The following LY6K variants were observed in gnomAD, a reference collection of about 807,000 sequenced individuals.
The protein encoded by LY6K is lymphocyte antigen 6 family member K.
In LY6K, 9 loss-of-function variants were observed where a neutral mutation model predicts 10.4. That is an observed-to-expected ratio of 0.87 (90% CI 0.52 to 1.52). The LOEUF is 1.52. Among genes scored for constraint, LY6K ranks in the 40% most tolerant of loss-of-function variants. LY6K has a pLI of 0.00. For synonymous variants in LY6K, 98 were observed against 83.7 expected, an observed-to-expected ratio of 1.17 and a Z score of -0.94; for missense variants, 217 against 211.7, an observed-to-expected ratio of 1.02 and a Z score of -0.15.
chr8:142,702,054 C>T (rs1815059132), intron 2 of LY6K: 3 of 290,458 alleles, frequency 1.0e-5, no homozygotes, highest in Admixed American at 4.8e-5. Context: ...GTGACCCACC[C>T]GCCCTCGGCC....
At chr8:142,701,808 T>A in intron 2 of LY6K, 95 bp downstream of exon 2, 1 of 738,214 alleles carries the variant, frequency 1.4e-6, no homozygotes, top group Non-Finnish European at 2.3e-6. Context: ...GGGGAATAAC[T>A]AATAGAAAGT....
chr8:142,700,987 C>G (rs1277189918), intron 1 of LY6K, among the ~76,000 whole-genome samples: 1 of 151,874 alleles, frequency 6.6e-6, no homozygotes, highest in East Asian at 2.0e-4. Flanking sequence ...CCAACCCAGA[C>G]CCAAGGGAGA....
intron 1 of LY6K, 87 bp from the exon 2 acceptor site, chr8:142,701,513 G>A: frequency 1.1e-6 from 1 of 874,522 alleles, no homozygotes; most frequent in Non-Finnish European, 1.9e-6. Context: ...GACCCGCCGA[G>A]TTTGTGCTGG....
intron 2 of LY6K, chr8:142,702,721 A>G: frequency 6.7e-7 from 1 of 1,494,676 alleles, no homozygotes. Flanking sequence ...AGGCCCACCA[A>G]GAGGCCAGCT....
intron 2 of LY6K, chr8:142,702,407 A>T: frequency 7.6e-7 from 1 of 1,308,916 alleles, no homozygotes; most frequent in Non-Finnish European, 1.1e-6. Context: ...TGTGGAGACC[A>T]CTGCTCTGTC....
In LY6K at chr8:142,704,237, G is replaced by A. The variant is rs1036532546; in HGVS notation, c.*866G>A. On this transcript the variant is annotated 3_prime_UTR_variant, in exon 3 of 3. Transcript: ENST00000292430. ...GCATGAGCTCCATCAAGGTCGAGAC[G>A]CTTCTGCAAGTAATGGTACCAGCCA... 2.6e-5 allele frequency: 4 copies of A among 152,196 alleles called. No homozygotes were observed. Among genetic ancestry groups the A allele is most frequent in the Admixed American group, 6.5e-5 (1 of 15,282 alleles). 9.4% of individuals were successfully genotyped at this position (152,196 alleles called of 1,614,324 possible).
chr8:142,700,749 C>A, intron 1 of LY6K, 119 bp downstream of exon 1: 1 of 1,101,064 alleles, frequency 9.1e-7, no homozygotes, highest in Non-Finnish European at 1.2e-6. Flanking sequence ...TCAGGCGGCC[C>A]GTGGCGCCTG....
In LY6K at chr8:142,701,651, T is replaced by G. The variant is rs782147030; in HGVS notation, c.155T>G (p.Phe52Cys). 1 of 1,614,082 alleles carries G rather than the reference T, an allele frequency of 6.2e-7. No homozygotes were observed. Among genetic ancestry groups the G allele is most frequent in the Admixed American group, 1.7e-5 (1 of 60,020 alleles). ...WCHVCERENT[F>C]ECQNPRRCKW... ...CATGTTTGTGAGAGAGAAAACACTT[T>G]CGAGTGCCAGAACCCAAGGAGGTGC... The change falls in exon 2 of 3, where the codon TTC becomes TGC. Residue 52 changes from phenylalanine to cysteine, a missense_variant. Phe to Cys is a radical substitution (Grantham distance 205). Coordinates refer to ENST00000292430, the MANE Select transcript of LY6K (RefSeq NM_017527.4).
chr8:142,701,485 CAG>C lies in LY6K; in HGVS notation c.104-114_104-113del, dbSNP rs1360206100. The C allele has an allele frequency of 5.6e-5, 39 of 699,474 alleles. No individual in the cohort carries two copies. The African/African-American group carries it at 6.1e-4, about 11-fold the overall frequency. 43.3% of individuals were successfully genotyped at this position (699,474 alleles called of 1,614,324 possible). ...GAGTCATGTGGCCCCAGCCACTGCT[CAG>C]GGGGAGAAGGATGGGGACCCGCCGA... On this transcript the variant is annotated intron_variant, in intron 1 of 2. Transcript: ENST00000292430.
Position 142,704,328 on chromosome 8 carries a change from G to A in LY6K, c.*957G>A, listed in dbSNP as rs1305299664. ...ACCATGCCACTTCAGTCTTTGTGAC[G>A]TTATTAACTGAAGAAAAGTGGGTGC... On this transcript the variant is annotated 3_prime_UTR_variant, in exon 3 of 3. Coordinates refer to ENST00000292430, the MANE Select transcript of LY6K (RefSeq NM_017527.4). 5.3e-5 allele frequency: 8 copies of A among 152,180 alleles called. No homozygotes were observed. The highest frequency in any genetic ancestry group is 2.0e-4 in the Admixed American group (3 of 15,282). 9.4% of individuals were successfully genotyped at this position (152,180 alleles called of 1,614,324 possible).
At position 142,700,234 on chromosome 8, in the gene LY6K, C is replaced by T. The variant is rs1204481791; in HGVS notation, c.-294C>T. On this transcript the variant is annotated 5_prime_UTR_variant, in exon 1 of 3. Coordinates refer to ENST00000292430, the MANE Select transcript of LY6K (RefSeq NM_017527.4). Reference sequence around the variant, plus strand: ...CTTGGGCTCAGGGGCTGCGTTTCCACACGCGCCTTTCCCAGGGCTCCCGCG... The same window carrying T: ...CTTGGGCTCAGGGGCTGCGTTTCCATACGCGCCTTTCCCAGGGCTCCCGCG... The T allele has an allele frequency of 1.0e-5, 9 of 891,006 alleles. No homozygotes were observed. The highest frequency in any genetic ancestry group is 1.8e-5 in the African/African-American group (1 of 55,932). The allele number at this position is 891,006 out of a possible 1,614,324, so 55.2% of individuals were successfully genotyped here.
Position 142,700,636 on chromosome 8 carries a change from C to A in LY6K, c.103+6C>A. ...AGAGGACTCCCAGCGAACGGGTGAG[C>A]CTGGCTCGCCCTCCACAGCCACGGG... On this transcript the variant is annotated splice_donor_region_variant and intron_variant, in intron 1 of 2. Coordinates refer to ENST00000292430, the MANE Select transcript of LY6K (RefSeq NM_017527.4). The A allele has an allele frequency of 6.6e-7, 1 of 1,517,624 alleles. No individual in the cohort carries two copies. Among genetic ancestry groups the A allele is most frequent in the African/African-American group, 1.4e-5 (1 of 69,528 alleles). 94.0% of individuals were successfully genotyped at this position (1,517,624 alleles called of 1,614,324 possible).
In LY6K at chr8:142,704,484, T is replaced by C. The variant is rs1554640656; in HGVS notation, c.*1113T>C. ...TGATGAGAGGAATGAGCAGGAGCAT[T>C]GTCATGGTGGAGAAGGGCTCTCTGG... On this transcript the variant is annotated 3_prime_UTR_variant, in exon 3 of 3. Transcript: ENST00000292430. 1 of 152,300 alleles carries C rather than the reference T, an allele frequency of 6.6e-6. No individual in the cohort carries two copies. Among genetic ancestry groups the C allele is most frequent in the African/African-American group, 2.4e-5 (1 of 41,446 alleles). 9.4% of individuals were successfully genotyped at this position (152,300 alleles called of 1,614,324 possible). A position where few individuals can be genotyped will look rare whatever the true frequency, so the allele number is the denominator to read the frequency against.
rs587625940 is a variant in LY6K, at chr8:142,704,898, G to A, written c.*1527G>A. 2.0e-5 allele frequency: 3 copies of A among 152,276 alleles called. No individual in the cohort carries two copies. Among genetic ancestry groups the A allele is most frequent in the Non-Finnish European group, 2.9e-5 (2 of 68,024 alleles). The allele number at this position is 152,276 out of a possible 1,614,324, so 9.4% of individuals were successfully genotyped here. On this transcript the variant is annotated 3_prime_UTR_variant, in exon 3 of 3. Coordinates refer to ENST00000292430, the MANE Select transcript of LY6K (RefSeq NM_017527.4). ...CTGGGAGAAAGTTTTGGCACCCACC[G>A]AGTGGACAGTTTACTCAACTTTAAT...
intron 1 of LY6K, among the ~76,000 whole-genome samples, chr8:142,700,907 G>T (rs1554640023): frequency 6.6e-6 from 1 of 152,146 alleles, no homozygotes; most frequent in Admixed American, 6.5e-5. Flanking sequence ...GGCCTCCGGG[G>T]GCTTCACGGG....
chr8:142,702,063 C>T (rs1815060010), intron 2 of LY6K: 2 of 287,474 alleles, frequency 7.0e-6, no homozygotes, highest in South Asian at 4.4e-5. Flanking sequence ...CCGCCCTCGG[C>T]CCCCCAAAGT....
At chr8:142,702,975 A>C in intron 2 of LY6K, 116 bp from the exon 3 acceptor site, 5 of 1,557,774 alleles carry the variant, frequency 3.2e-6, no homozygotes, top group Non-Finnish European at 4.3e-6. Flanking sequence ...GCCCCAGTTG[A>C]CTGTGCACCT....
rs913669382 is a variant in LY6K at position 142,702,624 on chromosome 8, A to G, written c.218-467A>G. 8.5e-6 allele frequency: 13 copies of G among 1,533,486 alleles called. No homozygotes were observed. In the Admixed American group the frequency reaches 2.6e-4, roughly 30 times the overall value. The allele number at this position is 1,533,486 out of a possible 1,614,324, so 95.0% of individuals were successfully genotyped here. A position where few individuals can be genotyped will look rare whatever the true frequency, so the allele number is the denominator to read the frequency against. On this transcript the variant is annotated intron_variant, in intron 2 of 2. Coordinates refer to ENST00000292430, the MANE Select transcript of LY6K (RefSeq NM_017527.4). ...ACTCAGTGTGGCCCACATCGACTTT[A>G]TAACTTAATATGGCAAAATGATTTG...
In LY6K at chr8:142,703,591, G is replaced by A. The variant is rs1815129011; in HGVS notation, c.*220G>A. 1.8e-6 allele frequency: 1 copy of A among 560,202 alleles called. No individual in the cohort carries two copies. The highest frequency in any genetic ancestry group is 3.1e-6 in the Non-Finnish European group (1 of 323,210). 34.7% of individuals were successfully genotyped at this position (560,202 alleles called of 1,614,324 possible). ...CCAGATCTCCTGAGTAGTGATTTTG[G>A]TGACAAGTTTTTCTCTTTGAAATCA... is the stretch of plus-strand genomic sequence containing the variant. On this transcript the variant is annotated 3_prime_UTR_variant, in exon 3 of 3. Transcript: ENST00000292430.
Sources: allele counts gnomAD v4.1 joint callset (sites outside exome capture counted in the v4.1 genomes callset), GRCh38; gene constraint gnomAD v4.1.1; transcripts MANE v1.5; gene names NCBI Gene and HGNC (gene_info 2026-07-23, HGNC 2026-07-21).